Variants in SREBF2 observed in about 807,000 individuals in gnomAD.
SREBF2 encodes the protein sterol regulatory element binding transcription factor 2.
SREBF2 carries 55 observed loss-of-function variants against 113.1 expected under a neutral mutation model. The observed-to-expected ratio is 0.49, with a 90% CI of 0.39 to 0.61. The LOEUF is 0.61. Among genes scored for constraint, SREBF2 ranks in the 20% least tolerant of loss-of-function variants. SREBF2 has a pLI of 0.00. For missense variants in SREBF2, 1,349 were observed against 1,487.4 expected (o/e 0.91, Z 1.53); for synonymous variants, 593 against 605.7 (o/e 0.98, Z 0.31).
chr22:41,877,497 C>A (rs2077207597), intron 8 of SREBF2, 76 bp downstream of exon 8: 2 of 1,527,420 alleles, frequency 1.3e-6, no homozygotes, highest in African/African-American at 1.4e-5. Context: ...GTACAAACTT[C>A]TTGGCTTGGC....
At chr22:41,844,896 C>T (rs529829042) in intron 1 of SREBF2, among the ~76,000 whole-genome samples, 2 of 151,942 alleles carry the variant, frequency 1.3e-5, no homozygotes, top group African/African-American at 4.8e-5. Flanking sequence ...ATTTGTCTTC[C>T]TAATAAGTGC....
At chr22:41,892,751 G>T (rs2077376713) in intron 11 of SREBF2, among the ~76,000 whole-genome samples, 1 of 152,194 alleles carries the variant, frequency 6.6e-6, no homozygotes. Flanking sequence ...GCAGCCAGGG[G>T]GCCCCTGAGA....
At chr22:41,851,980 G>C (rs117181659) in intron 1 of SREBF2, among the ~76,000 whole-genome samples, 1 of 152,022 alleles carries the variant, frequency 6.6e-6, no homozygotes, top group Non-Finnish European at 1.5e-5. Context: ...AATTAGCCGG[G>C]CATGGTAGCG....
intron 1 of SREBF2, among the ~76,000 whole-genome samples, chr22:41,851,230 A>C (rs146820836): frequency 1.1e-4 from 16 of 152,310 alleles, no homozygotes; most frequent in African/African-American, 3.8e-4. Context: ...TTCTACCCAG[A>C]AAATAAGTTT....
intron 2 of SREBF2, among the ~76,000 whole-genome samples, chr22:41,867,528 C>T (rs1314559834): frequency 7.2e-5 from 11 of 152,066 alleles, no homozygotes; most frequent in Admixed American, 4.6e-4. Flanking sequence ...AGCAAGCGGC[C>T]GGGCGCGGTG....
chr22:41,867,521 A>C (rs1264449316), intron 2 of SREBF2, among the ~76,000 whole-genome samples: 1 of 152,148 alleles, frequency 6.6e-6, no homozygotes, highest in Non-Finnish European at 1.5e-5. Flanking sequence ...AAAATCCAGC[A>C]AGCGGCCGGG....
Position 41,875,391 on chromosome 22 carries a change from C to G in SREBF2, c.1144C>G (p.Gln382Glu). ...CATTGATTACATCAAATACTTGCAG[C>G]AGGTCAATCATAAACTGCGCCAGGA... Reference protein sequence around the residue: ...KAIDYIKYLQQVNHKLRQENM... With the variant: ...KAIDYIKYLQEVNHKLRQENM... The change falls in exon 6 of 19, where the codon CAG becomes GAG. Residue 382 changes from glutamine to glutamate, a missense_variant. Gln to Glu is a conservative substitution (Grantham distance 29, BLOSUM62 2). Coordinates refer to ENST00000361204, the MANE Select transcript of SREBF2 (RefSeq NM_004599.4). 6.2e-7 allele frequency: 1 copy of G among 1,614,154 alleles called. No individual in the cohort carries two copies. Among genetic ancestry groups the G allele is most frequent in the Non-Finnish European group, 8.5e-7 (1 of 1,179,996 alleles).
intron 1 of SREBF2, among the ~76,000 whole-genome samples, chr22:41,861,010 A>T (rs2077021669): frequency 6.6e-6 from 1 of 152,240 alleles, no homozygotes; most frequent in South Asian, 2.1e-4. Flanking sequence ...GAAAAGGATG[A>T]TGTTACGTCT....
At chr22:41,858,635 C>G (rs2076998072) in intron 1 of SREBF2, among the ~76,000 whole-genome samples, 1 of 152,084 alleles carries the variant, frequency 6.6e-6, no homozygotes, top group African/African-American at 2.4e-5. Context: ...GTACTCCCAG[C>G]TACCCAAGAG....
At chr22:41,886,508 A>C (rs2077300291) in intron 11 of SREBF2, among the ~76,000 whole-genome samples, 1 of 152,196 alleles carries the variant, frequency 6.6e-6, no homozygotes, top group East Asian at 1.9e-4. Flanking sequence ...AATACAACAT[A>C]CATGCAGAAA....
At position 41,897,086 on chromosome 22, in the gene SREBF2, C is replaced by G. The variant is rs2077423053; in HGVS notation, c.2530C>G (p.Leu844Val). 1.2e-6 allele frequency: 2 copies of G among 1,613,146 alleles called. No homozygotes were observed. Among genetic ancestry groups the G allele is most frequent in the Non-Finnish European group, 1.7e-6 (2 of 1,179,820 alleles). The change falls in exon 14 of 19, where the codon CTT becomes GTT. Residue 844 changes from leucine (L) to valine (V), a missense_variant. Transcript: ENST00000361204. ...CAGTGCTCTGGAGTACTTGAAATTA[C>G]TTCATTCTTTTGTGGACTCTGTGGG... ...FSSALEYLKLLHSFVDSVGVM... is the reference protein window; with the variant it reads ...FSSALEYLKLVHSFVDSVGVM...
intron 15 of SREBF2, chr22:41,900,010 C>T (rs1314924243): frequency 9.4e-6 from 12 of 1,274,824 alleles, no homozygotes; most frequent in African/African-American, 1.5e-5. Context: ...TTATTGTGGC[C>T]ACTTTATAGG....
At chr22:41,855,010 G>A (rs1302877089) in intron 1 of SREBF2, among the ~76,000 whole-genome samples, 2 of 148,462 alleles carry the variant, frequency 1.3e-5, no homozygotes, top group African/African-American at 5.0e-5. Context: ...CAACAGGCAT[G>A]TGCAGCATTA....
intron 1 of SREBF2, among the ~76,000 whole-genome samples, chr22:41,840,047 C>A (rs775410730): frequency 7.3e-5 from 11 of 149,692 alleles, no homozygotes; most frequent in Non-Finnish European, 1.2e-4. Context: ...GCAGCCTCTG[C>A]CTCCTGGGTT....
At chr22:41,852,693 CTT>C (rs2076942472) in intron 1 of SREBF2, among the ~76,000 whole-genome samples, 1 of 132,860 alleles carries the variant, frequency 7.5e-6, no homozygotes, top group Non-Finnish European at 1.6e-5. Flanking sequence ...ATCTGACTGA[CTT>C]TTTATTCCAG....
intron 16 of SREBF2, among the ~76,000 whole-genome samples, chr22:41,901,809 T>C (rs1247980072): frequency 6.6e-6 from 1 of 152,310 alleles, no homozygotes; most frequent in East Asian, 1.9e-4. Context: ...CAGGCTCAGT[T>C]TGGGGAATGA....
intron 1 of SREBF2, among the ~76,000 whole-genome samples, chr22:41,864,257 T>TACACACACAC (rs1271238414): frequency 1.1e-4 from 8 of 72,768 alleles, no homozygotes; most frequent in African/African-American, 4.0e-4. Context: ...TATATATATA[T>TACACACACAC]ATATACACAC....
chr22:41,867,702 G>A (rs2077097705), intron 2 of SREBF2, among the ~76,000 whole-genome samples: 1 of 152,136 alleles, frequency 6.6e-6, no homozygotes, highest in Admixed American at 6.5e-5. Context: ...AGCTACTCGG[G>A]AGGCTGAGGC....
In SREBF2 at chr22:41,900,478, T is replaced by C. The variant is rs761127306; in HGVS notation, c.2887T>C (p.Ser963Pro). The C allele has an allele frequency of 6.2e-7, 1 of 1,613,516 alleles. No homozygotes were observed. Among genetic ancestry groups the C allele is most frequent in the South Asian group, 1.1e-5 (1 of 91,072 alleles). Residue 963 changes from serine (S) to proline (P), a missense_variant, in exon 16 of 19, where the codon TCT becomes CCT. Physicochemically the swap from Ser to Pro is moderately conservative, Grantham distance 74 (BLOSUM62 -1). This residue lies in a region of SREBF2 where 650 missense variants were observed against 644.1 expected (regional missense o/e 1.01). Transcript: ENST00000361204. ...CAGCCTCAACGTCAGTGGGGCCACC[T>C]CTGACCCTGCCCTCAACCACGTGAG... ...WSSLNVSGAT[S>P]DPALNHVVQL...
Sources: allele counts gnomAD v4.1 joint callset (sites outside exome capture counted in the v4.1 genomes callset), GRCh38; gene constraint gnomAD v4.1.1; regional missense constraint gnomAD v4.1.1; transcripts MANE v1.5; gene names NCBI Gene and HGNC (gene_info 2026-07-23, HGNC 2026-07-21).